ADGRB1: variants seen among roughly 807,000 people sequenced by gnomAD.
ADGRB1 encodes brain-specific angiogenesis inhibitor 1.
In ADGRB1, 36 loss-of-function variants were observed where a neutral mutation model predicts 175.7. The observed-to-expected ratio is 0.20, with a 90% confidence interval of 0.16 to 0.27. The LOEUF (loss-of-function observed/expected upper bound fraction) is 0.27. ADGRB1 is among the 10% of genes least tolerant of loss of function. The probability of loss-of-function intolerance (pLI) is 1.00; values close to 1 mark genes in which losing one functional copy is unlikely to be tolerated. For missense variants in ADGRB1, 1,731 were observed against 2,255.3 expected (o/e 0.77, Z 4.71); for synonymous variants, 1,054 against 979.4 (o/e 1.08, Z -1.42).
intron 19 of ADGRB1, 48 bp downstream of exon 19, chr8:142,518,289 CA>C: frequency 6.3e-7 from 1 of 1,591,550 alleles, no homozygotes. Flanking sequence ...GCTCCTGCAT[CA>C]CACGCCTCTT....
chr8:142,464,994 G>A lies in ADGRB1; in HGVS notation c.784+12G>A, dbSNP rs920498481. On this transcript the variant is annotated intron_variant, in intron 2 of 30. Coordinates refer to ENST00000517894, the MANE Select transcript of ADGRB1 (RefSeq NM_001702.3). The stretch of plus-strand genomic sequence containing the variant: ...GCACGGCGCCACAGGTGAGTGACTG[G>A]CGGGGAAACCTTCGGACAGGGGAGG... 6.9e-7 allele frequency: 1 copy of A among 1,449,820 alleles called. No homozygotes were observed. Among genetic ancestry groups the A allele is most frequent in the Admixed American group, 2.4e-5 (1 of 41,952 alleles). The allele number at this position is 1,449,820 out of a possible 1,614,324, so 89.8% of individuals were successfully genotyped here. A position where few individuals can be genotyped will look rare whatever the true frequency, so the allele number is the denominator to read the frequency against.
chr8:142,473,739 G>A lies in ADGRB1; in HGVS notation c.785-1735G>A, dbSNP rs1032941039. On this transcript the variant is annotated intron_variant, in intron 2 of 30. Coordinates refer to ENST00000517894, the MANE Select transcript of ADGRB1 (RefSeq NM_001702.3). ...GAAGGAAGAGGGTTCTGCAGCAGGT[G>A]TGGGGGCCTGGAAGACTCCTCCCAC... 1.6e-4 allele frequency among the ~76,000 whole-genome samples: 24 copies of A among 152,236 alleles called. 1 individual carries two copies. Among genetic ancestry groups the A allele is most frequent in the African/African-American group, 5.8e-4 (24 of 41,452 alleles).
Position 142,490,820 on chromosome 8 carries a change from G to A in ADGRB1, c.2675+5G>A. The A allele has an allele frequency of 6.3e-7, 1 of 1,580,454 alleles. No individual in the cohort carries two copies. Among genetic ancestry groups the A allele is most frequent in the Non-Finnish European group, 8.6e-7 (1 of 1,162,880 alleles). ...CCTGTGGGATGAGACGGATGTGTAA[G>A]TTCACTTGGATTTCATGGCCGTGGG... On this transcript the variant is annotated splice_donor_5th_base_variant and intron_variant, in intron 17 of 30. Coordinates refer to ENST00000517894, the MANE Select transcript of ADGRB1 (RefSeq NM_001702.3).
chr8:142,541,609 C>T (rs758850350), intron 27 of ADGRB1, among the ~76,000 whole-genome samples: 1 of 152,196 alleles, frequency 6.6e-6, no homozygotes, highest in Non-Finnish European at 1.5e-5. Context: ...CCTGTGCTTC[C>T]GGGAGTCAAG....
In ADGRB1 at chr8:142,542,515, C is replaced by T; in HGVS notation, c.4281C>T (p.Pro1427=). 2.1e-6 allele frequency: 3 copies of T among 1,459,904 alleles called. 1 individual carries two copies. Among genetic ancestry groups the T allele is most frequent in the Non-Finnish European group, 2.7e-6 (3 of 1,105,608 alleles). 90.4% of individuals were successfully genotyped at this position (1,459,904 alleles called of 1,614,324 possible). The change falls in exon 28 of 31, where the codon CCC becomes CCT. Residue 1427 remains proline (P), a synonymous_variant. Coordinates refer to ENST00000517894, the MANE Select transcript of ADGRB1 (RefSeq NM_001702.3). This position sits in a 1 kb window ranked among gnomAD's most constrained non-coding sequence, Gnocchi z 6.3. ...PPPPPPQQPL[P]PPPNLEPAPP... ...CACCACCTCCCCAGCAGCCCCTGCCCCCACCGCCCAATCTGGAGCCGGCAC... is the reference window on the plus strand; with the variant it reads ...CACCACCTCCCCAGCAGCCCCTGCCTCCACCGCCCAATCTGGAGCCGGCAC...
intron 11 of ADGRB1, among the ~76,000 whole-genome samples, chr8:142,482,041 G>A (rs62513260): frequency 7.5e-6 from 1 of 133,608 alleles, no homozygotes; most frequent in South Asian, 2.7e-4. Flanking sequence ...CCTGATCATA[G>A]GCTGAGCCCT....
In ADGRB1 at chr8:142,478,174, C is replaced by T. The variant is rs1841097433; in HGVS notation, c.1388-13C>T. The T allele has an allele frequency of 6.3e-7, 1 of 1,594,620 alleles. No individual in the cohort carries two copies. Reference sequence around the variant, plus strand: ...GGTGTTCACGCCCACTTTGTGTCTCCTTCCTCCCCCGGGCCGGGCAGTGGA... The same window carrying T: ...GGTGTTCACGCCCACTTTGTGTCTCTTTCCTCCCCCGGGCCGGGCAGTGGA... On this transcript the variant is annotated splice_polypyrimidine_tract_variant and intron_variant, in intron 6 of 30. Transcript: ENST00000517894.
chr8:142,460,979 C>A (rs1383033009), intron 1 of ADGRB1, among the ~76,000 whole-genome samples: 1 of 152,218 alleles, frequency 6.6e-6, no homozygotes, highest in Non-Finnish European at 1.5e-5. Flanking sequence ...ACAGGGTGGG[C>A]CTCATACCCT....
intron 17 of ADGRB1, among the ~76,000 whole-genome samples, chr8:142,508,635 C>CAGAA (rs1842944974): frequency 6.6e-6 from 1 of 152,206 alleles, no homozygotes; most frequent in Non-Finnish European, 1.5e-5. Flanking sequence ...GGGTCCCTGG[C>CAGAA]CGCCATCGCA....
intron 25 of ADGRB1, among the ~76,000 whole-genome samples, chr8:142,536,539 G>T (rs1364107450): frequency 6.6e-6 from 1 of 152,112 alleles, no homozygotes; most frequent in African/African-American, 2.4e-5. Context: ...GAGGGGCCAG[G>T]CTCAGGGACC....
intron 17 of ADGRB1, among the ~76,000 whole-genome samples, chr8:142,508,036 G>C (rs1372497993): frequency 6.6e-6 from 1 of 152,064 alleles, no homozygotes; most frequent in Non-Finnish European, 1.5e-5. Context: ...CAAGACAGCG[G>C]TGGGCCTGGA....
At position 142,542,128 on chromosome 8, in the gene ADGRB1, C is replaced by T. The variant is rs1845309846; in HGVS notation, c.3894C>T (p.Pro1298=). The T allele has an allele frequency of 1.2e-6, 2 of 1,613,590 alleles. No homozygotes were observed. Among genetic ancestry groups the T allele is most frequent in the African/African-American group, 1.3e-5 (1 of 75,056 alleles). The change falls in exon 28 of 31, where the codon CCC becomes CCT. Residue 1298 remains proline (P), a synonymous_variant. Transcript: ENST00000517894. The surrounding 1 kb of genome is among the most constrained non-coding windows in gnomAD (Gnocchi z 6.3). ...LHGSPRYPGG[P]LPDFPNHSLT... ...GCTCACCCCGCTATCCCGGCGGGCCCCTGCCCGACTTCCCCAACCACTCAC... is the reference window on the plus strand; with the variant it reads ...GCTCACCCCGCTATCCCGGCGGGCCTCTGCCCGACTTCCCCAACCACTCAC...
At chr8:142,525,089 T>G (rs1264060352) in intron 23 of ADGRB1, among the ~76,000 whole-genome samples, 1 of 152,102 alleles carries the variant, frequency 6.6e-6, no homozygotes. Flanking sequence ...TAGTGGGGAC[T>G]CAGGCACAGG....
chr8:142,516,733 T>A (rs1028100448), intron 18 of ADGRB1, among the ~76,000 whole-genome samples: 2 of 151,888 alleles, frequency 1.3e-5, no homozygotes, highest in Admixed American at 6.6e-5. Context: ...TGTGTGTCTG[T>A]GTGTGGGTCC....
rs1396225558 is a variant in ADGRB1, at chr8:142,543,254, C to T, written c.4414-149C>T. 5.6e-5 allele frequency: 58 copies of T among 1,043,956 alleles called. No homozygotes were observed. The highest frequency in any genetic ancestry group is 6.8e-5 in the Non-Finnish European group (48 of 708,856). 64.7% of individuals were successfully genotyped at this position (1,043,956 alleles called of 1,614,324 possible). On this transcript the variant is annotated intron_variant, in intron 28 of 30. Coordinates refer to ENST00000517894, the MANE Select transcript of ADGRB1 (RefSeq NM_001702.3). The surrounding 1 kb of genome is among the most constrained non-coding windows in gnomAD (Gnocchi z 4.4). ...CATAGCTGGAGGAGCTGCCTCAGTG[C>T]GCCCCCAGGCATGTCCCCTGGGTCT...
chr8:142,486,968 T>C (rs1841701270), intron 13 of ADGRB1, among the ~76,000 whole-genome samples: 1 of 152,156 alleles, frequency 6.6e-6, no homozygotes, highest in South Asian at 2.1e-4. Flanking sequence ...TGCAGTGAGT[T>C]GTGATCACAC....
intron 2 of ADGRB1, among the ~76,000 whole-genome samples, chr8:142,469,603 G>A (rs1389782063): frequency 8.1e-5 from 12 of 148,054 alleles, no homozygotes; most frequent in African/African-American, 2.3e-4. Context: ...GTGTGTGCAC[G>A]TGCATGTGTG....
chr8:142,454,544 C>T (rs1839547685), intron 1 of ADGRB1, among the ~76,000 whole-genome samples: 1 of 152,210 alleles, frequency 6.6e-6, no homozygotes, highest in South Asian at 2.1e-4. Context: ...CCAGAAGACA[C>T]AGCCTGGATG....
chr8:142,519,105 A>G (rs931105636), intron 19 of ADGRB1, among the ~76,000 whole-genome samples: 2 of 152,098 alleles, frequency 1.3e-5, no homozygotes, highest in African/African-American at 4.8e-5. Context: ...ACTGGGCTCT[A>G]GGGGGACCAT....
Sources: gnomAD v4.1 joint callset for allele counts (sites outside exome capture counted in the v4.1 genomes callset) on GRCh38, gnomAD v4.1.1 for gene constraint, Gnocchi (gnomAD v3.1) non-coding constraint, MANE v1.5 for transcripts, NCBI Gene and HGNC (gene_info 2026-07-23, HGNC 2026-07-21) for gene names.